The following RGS7 variants were observed in gnomAD, a reference collection of about 807,000 sequenced individuals.
RGS7 encodes regulator of G protein signaling 7, also known as regulator of G-protein signaling 7.
Under a neutral mutation model 81.1 loss-of-function variants are expected in RGS7, and 27 were observed. The observed-to-expected ratio is 0.33, with a 90% CI of 0.25 to 0.46. RGS7 has a LOEUF of 0.46. Ranked by LOEUF, RGS7 falls within the 20% of genes least tolerant of loss-of-function variation. The pLI, the probability that RGS7 is intolerant of heterozygous loss-of-function variation, is 1.00. For synonymous variants in RGS7, 208 were observed against 207.7 expected, an observed-to-expected ratio of 1.00 and a Z score of -0.01; for missense variants, 396 against 607.4, an observed-to-expected ratio of 0.65 and a Z score of 3.66.
At chr1:241,320,022 C>T (rs1211974138) in intron 2 of RGS7, among the ~76,000 whole-genome samples, 5 of 152,172 alleles carry the variant, frequency 3.3e-5, no homozygotes, top group African/African-American at 1.2e-4. Flanking sequence ...ACCCGGGAGG[C>T]GGAGGTTGCA....
At chr1:240,947,314 T>A (rs1440351845) in intron 4 of RGS7, among the ~76,000 whole-genome samples, 1 of 152,178 alleles carries the variant, frequency 6.6e-6, no homozygotes, top group African/African-American at 2.4e-5. Context: ...GACTGGCTTC[T>A]CTCCTAAATT....
chr1:241,054,928 T>G (rs150347855), intron 3 of RGS7, among the ~76,000 whole-genome samples: 1 of 152,168 alleles, frequency 6.6e-6, no homozygotes, highest in African/African-American at 2.4e-5. Context: ...TCAATGCTAA[T>G]GGAATAAAAT....
chr1:241,316,840 T>C (rs923521048), intron 2 of RGS7, among the ~76,000 whole-genome samples: 1 of 152,238 alleles, frequency 6.6e-6, no homozygotes, highest in Non-Finnish European at 1.5e-5. Context: ...ATTCCATTTG[T>C]TTATCAATGA....
chr1:241,325,186 A>T (rs2081422211), intron 2 of RGS7, among the ~76,000 whole-genome samples: 1 of 152,152 alleles, frequency 6.6e-6, no homozygotes, highest in East Asian at 1.9e-4. Flanking sequence ...AACAACAAAG[A>T]TTTTCTCTAG....
chr1:240,796,996 A>G (rs2103034370), intron 18 of RGS7, among the ~76,000 whole-genome samples: 1 of 152,384 alleles, frequency 6.6e-6, no homozygotes, highest in African/African-American at 2.4e-5. Flanking sequence ...TGGGTGTTCA[A>G]CATCAATACT....
chr1:241,150,334 A>C (rs1451652614), intron 2 of RGS7, among the ~76,000 whole-genome samples: 1 of 152,204 alleles, frequency 6.6e-6, no homozygotes, highest in Non-Finnish European at 1.5e-5. Context: ...ATGTCTGTAT[A>C]ATAAAAACAT....
At chr1:240,987,077 T>C (rs568232753) in intron 3 of RGS7, among the ~76,000 whole-genome samples, 7 of 152,304 alleles carry the variant, frequency 4.6e-5, no homozygotes, top group Admixed American at 1.3e-4. Context: ...CTCCCCAGGA[T>C]TAGAGCACAT....
intron 5 of RGS7, among the ~76,000 whole-genome samples, chr1:240,932,814 C>A (rs550382465): frequency 7.0e-6 from 1 of 142,128 alleles, no homozygotes; most frequent in Non-Finnish European, 1.5e-5. Context: ...GGCCTAAAAA[C>A]GATTTTCTGA....
At chr1:240,792,031 C>T (rs1451338780) in intron 18 of RGS7, among the ~76,000 whole-genome samples, 1 of 152,116 alleles carries the variant, frequency 6.6e-6, no homozygotes, top group South Asian at 2.1e-4. Flanking sequence ...TCCTATATCT[C>T]CTTGCTTTAC....
At position 240,783,689 on chromosome 1, in the gene RGS7, ATGGT is replaced by A. The variant is rs1205811208; in HGVS notation, c.*7-7480_*7-7477del. Among the ~76,000 whole-genome samples the A allele has an allele frequency of 2.6e-5, 4 of 152,014 alleles. No individual in the cohort carries two copies. In the East Asian group the frequency reaches 7.7e-4, roughly 29 times the overall value. On this transcript the variant is annotated intron_variant, in intron 18 of 18. Coordinates refer to ENST00000440928, the MANE Select transcript of RGS7 (RefSeq NM_001364886.1). ...GTCTTAAAGTAATAACAGAAAGTTG[ATGGT>A]AAGGAGCCCTGAGTCAGTAGGAATT...
At chr1:241,354,790 G>T (rs1404422373) in intron 2 of RGS7, among the ~76,000 whole-genome samples, 1 of 152,110 alleles carries the variant, frequency 6.6e-6, no homozygotes, top group African/African-American at 2.4e-5. Context: ...TTTTACCATT[G>T]TTAGTGTTAA....
chr1:240,919,990 A>G, intron 6 of RGS7: 6 of 1,343,144 alleles, frequency 4.5e-6, no homozygotes, highest in Admixed American at 1.7e-5. Context: ...GGCATTAAAG[A>G]AGACACAGAA....
chr1:241,113,800 C>T lies in RGS7; in HGVS notation c.79-15038G>A, dbSNP rs981260345. On this transcript the variant is annotated intron_variant, in intron 2 of 18. Transcript: ENST00000440928. Reference sequence around the variant, plus strand: ...TACTTTACAGCATAAGTTCCCCTTCCTTCTTTCTGTGCAAACTCTGAGATG... The same window carrying T: ...TACTTTACAGCATAAGTTCCCCTTCTTTCTTTCTGTGCAAACTCTGAGATG... Among the ~76,000 whole-genome samples, 4 of 152,144 alleles carry T rather than the reference C, an allele frequency of 2.6e-5. No individual in the cohort carries two copies. The East Asian group carries it at 7.7e-4, about 29-fold the overall frequency.
At chr1:241,218,338 C>T (rs1348454652) in intron 2 of RGS7, among the ~76,000 whole-genome samples, 1 of 152,140 alleles carries the variant, frequency 6.6e-6, no homozygotes, top group Non-Finnish European at 1.5e-5. Context: ...AAACGGAGCC[C>T]CCAGTAAATG....
intron 2 of RGS7, among the ~76,000 whole-genome samples, chr1:241,195,580 A>G (rs2073007847): frequency 6.6e-6 from 1 of 152,210 alleles, no homozygotes; most frequent in Non-Finnish European, 1.5e-5. Context: ...TGTTGTATTT[A>G]TCTGATAGGA....
intron 3 of RGS7, among the ~76,000 whole-genome samples, chr1:240,999,471 T>G (rs1687800776): frequency 6.6e-6 from 1 of 152,150 alleles, no homozygotes; most frequent in East Asian, 1.9e-4. Context: ...GTTGGACAAG[T>G]TTGTCATGGA....
chr1:240,829,788 T>C (rs1288706231), intron 9 of RGS7, among the ~76,000 whole-genome samples: 1 of 152,110 alleles, frequency 6.6e-6, no homozygotes, highest in African/African-American at 2.4e-5. Context: ...TAGGGTGAGA[T>C]TCTGTCTCTC....
At chr1:240,864,441 A>C (rs1421201882) in intron 9 of RGS7, among the ~76,000 whole-genome samples, 1 of 152,184 alleles carries the variant, frequency 6.6e-6, no homozygotes, top group Non-Finnish European at 1.5e-5. Context: ...AGTATTCCCC[A>C]AACAGTTCAA....
intron 2 of RGS7, among the ~76,000 whole-genome samples, chr1:241,353,890 A>C (rs190571538): frequency 6.8e-4 from 104 of 152,232 alleles, no homozygotes; most frequent in Non-Finnish European, 1.9e-4. Flanking sequence ...TCAAATAACT[A>C]TTTCTGAAAG....
Sources: allele counts gnomAD v4.1 joint callset (sites outside exome capture counted in the v4.1 genomes callset), GRCh38; gene constraint gnomAD v4.1.1; transcripts MANE v1.5; gene names NCBI Gene and HGNC (gene_info 2026-07-23, HGNC 2026-07-21).